Variants in COCH observed in about 807,000 individuals in gnomAD.
The protein encoded by COCH is cochlin, also known as coagulation factor C homolog, cochlin (Limulus polyphemus).
Under a neutral mutation model 54.8 loss-of-function variants are expected in COCH, and 40 were observed. That is an observed-to-expected ratio of 0.73 (90% CI 0.57 to 0.95). The LOEUF is 0.95. COCH is among the 40% of genes least tolerant of loss of function. The pLI is 0.00. For missense variants in COCH, 605 were observed against 675.0 expected (o/e 0.90, Z 1.15); for synonymous variants, 256 against 237.9 (o/e 1.08, Z -0.70).
Position 30,877,603 on chromosome 14 carries a change from C to T in COCH, c.114C>T (p.Gly38=), listed in dbSNP as rs1370631871. 4 of 1,614,098 alleles carry T rather than the reference C, an allele frequency of 2.5e-6. No individual in the cohort carries two copies. The highest frequency in any genetic ancestry group is 3.4e-6 in the Non-Finnish European group (4 of 1,180,042). The change falls in exon 4 of 12, where the codon GGC becomes GGT. Residue 38 remains glycine (G), a synonymous_variant. Coordinates refer to ENST00000396618, the MANE Select transcript of COCH (RefSeq NM_004086.3). This position sits in a 1 kb window ranked among gnomAD's most constrained non-coding sequence, Gnocchi z 8.6. ...APIAITCFTR[G]LDIRKEKADV... is the part of the protein sequence containing the mutation. ...TTGCTATCACATGTTTTACCAGAGG[C>T]TTGGACATCAGGAAAGAGAAAGCAG...
In COCH at chr14:30,880,575, G is replaced by T. The variant is rs1895538611; in HGVS notation, c.482-12G>T. 6.2e-7 allele frequency: 1 copy of T among 1,614,076 alleles called. No individual in the cohort carries two copies. Among genetic ancestry groups the T allele is most frequent in the Non-Finnish European group, 8.5e-7 (1 of 1,180,018 alleles). On this transcript the variant is annotated splice_polypyrimidine_tract_variant and intron_variant, in intron 7 of 11. Transcript: ENST00000396618. ...AGACTGCTAATGAGGGGACTGGTTT[G>T]GTTGTTCGCAGATTGTAAAGCAGAC...
At chr14:30,881,977 A>G (rs1293982448) in intron 8 of COCH, among the ~76,000 whole-genome samples, 1 of 130,654 alleles carries the variant, frequency 7.7e-6, no homozygotes, top group African/African-American at 3.6e-5. Flanking sequence ...AAATAAAAAT[A>G]AAAATAAATA....
chr14:30,884,091 C>A (rs1364126486), intron 8 of COCH, among the ~76,000 whole-genome samples: 1 of 152,182 alleles, frequency 6.6e-6, no homozygotes, highest in South Asian at 2.1e-4. Flanking sequence ...TGGTGCCCAA[C>A]TCTGCGGACT....
Position 30,889,966 on chromosome 14 carries a change from T to C in COCH, c.*175T>C. ...TAAAGCCGCTGCCTTCTGGTTACAA[T>C]TTACAGTGTACTTTGTTAAAAACAC... On this transcript the variant is annotated 3_prime_UTR_variant, in exon 12 of 12. Coordinates refer to ENST00000396618, the MANE Select transcript of COCH (RefSeq NM_004086.3). 2 of 1,374,582 alleles carry C rather than the reference T, an allele frequency of 1.5e-6. No individual in the cohort carries two copies. Among genetic ancestry groups the C allele is most frequent in the Non-Finnish European group, 1.9e-6 (2 of 1,064,124 alleles). The allele number at this position is 1,374,582 out of a possible 1,614,324, so 85.1% of individuals were successfully genotyped here.
At chr14:30,880,837 A>T (rs1895554190) in intron 8 of COCH, 103 bp downstream of exon 8, 2 of 839,952 alleles carry the variant, frequency 2.4e-6, no homozygotes, top group Non-Finnish European at 3.9e-6. Flanking sequence ...GTTTTCATAC[A>T]TACAATGTAT....
chr14:30,894,897 T>TC (rs750140642), downstream of COCH: 35 of 1,041,602 alleles, frequency 3.4e-5, 1 homozygote, highest in Non-Finnish European at 3.8e-5. Flanking sequence ...CTTTTTCTTT[T>TC]TTTTTTTTTT....
chr14:30,889,396 C>A (rs4981082), intron 11 of COCH: 1 of 540,812 alleles, frequency 1.8e-6, no homozygotes, highest in East Asian at 3.2e-5. Flanking sequence ...GTTAATGTGG[C>A]GAATTACAGA....
At chr14:30,877,000 G>T (rs1014361199) in intron 3 of COCH, among the ~76,000 whole-genome samples, 1 of 151,900 alleles carries the variant, frequency 6.6e-6, no homozygotes, top group Non-Finnish European at 1.5e-5. Context: ...AAGAGATGAG[G>T]TCTTGCTATG....
intron 11 of COCH, among the ~76,000 whole-genome samples, chr14:30,888,687 G>A (rs888328645): frequency 1.1e-4 from 17 of 151,852 alleles, no homozygotes; most frequent in Non-Finnish European, 2.2e-4. Flanking sequence ...ATTTGAGGAT[G>A]GGGGTGCTGA....
Position 30,884,567 on chromosome 14 carries a change from T to C in COCH, c.644T>C (p.Ile215Thr). 1.2e-6 allele frequency: 2 copies of C among 1,612,478 alleles called. No homozygotes were observed. The highest frequency in any genetic ancestry group is 1.7e-6 in the Non-Finnish European group (2 of 1,178,624). Residue 215 changes from isoleucine to threonine, a missense_variant, in exon 9 of 12, where the codon ATA becomes ACA. Physicochemically the swap from Ile to Thr is moderately conservative, Grantham distance 89 (BLOSUM62 -1). Coordinates refer to ENST00000396618, the MANE Select transcript of COCH (RefSeq NM_004086.3). The stretch of plus-strand genomic sequence containing the variant: ...CTTCCACTCAGTGAACATCCCAAAA[T>C]AGAATTTTACTTGAAAAACTTTACA... ...GLVQASEHPK[I>T]EFYLKNFTSA...
chr14:30,878,739 A>T (rs1485107850), intron 4 of COCH, 72 bp from the exon 5 acceptor site: 1 of 1,605,782 alleles, frequency 6.2e-7, no homozygotes, highest in East Asian at 2.2e-5. Flanking sequence ...TAGATACAAC[A>T]TGGCACTATA....
intron 8 of COCH, among the ~76,000 whole-genome samples, chr14:30,881,123 G>A (rs1458147084): frequency 1.3e-5 from 2 of 150,664 alleles, no homozygotes; most frequent in African/African-American, 4.9e-5. Flanking sequence ...GCTGAGGCAG[G>A]AGAATCACTT....
chr14:30,886,224 G>A lies in COCH; in HGVS notation c.1389G>A (p.Glu463=). The part of the protein sequence containing the change: ...TVRNVFGPIR[E]SPNKNFLVIV... ...GAAATGTGTTTGGCCCTATAAGGGA[G>A]AGCCCCAACAAGAACTTCCTAGTAA... is the stretch of plus-strand genomic sequence containing the variant. Residue 463 remains glutamate, a synonymous_variant, in exon 11 of 12, where the codon GAG becomes GAA. Transcript: ENST00000396618. 7.4e-6 allele frequency: 12 copies of A among 1,613,078 alleles called. No homozygotes were observed. Among genetic ancestry groups the A allele is most frequent in the South Asian group, 1.1e-5 (1 of 90,934 alleles).
At chr14:30,884,391 A>G (rs1228124628) in intron 8 of COCH, 162 bp from the exon 9 acceptor site, 2 of 615,778 alleles carry the variant, frequency 3.2e-6, no homozygotes, top group Non-Finnish European at 5.8e-6. Context: ...AATATCTCCA[A>G]TAATTCAAGT....
At chr14:30,876,092 A>C (rs1233671867) in intron 3 of COCH, 1 of 152,244 alleles carries the variant, frequency 6.6e-6, no homozygotes, top group Admixed American at 6.5e-5. Context: ...TCAGTTGGAC[A>C]GTATGGCCAG....
Position 30,885,393 on chromosome 14 carries a change from G to C in COCH, c.734-1G>C. 1 of 1,612,218 alleles carries C rather than the reference G, an allele frequency of 6.2e-7. No individual in the cohort carries two copies. The highest frequency in any genetic ancestry group is 8.5e-7 in the Non-Finnish European group (1 of 1,178,228). ...TTTGTTTGCTTCTTTTTCAAATTTAGGAAAAGCCTTGAAGCATACTGCTCA... is the reference window on the plus strand; with the variant it reads ...TTTGTTTGCTTCTTTTTCAAATTTACGAAAAGCCTTGAAGCATACTGCTCA... On this transcript the variant is annotated splice_acceptor_variant, in intron 9 of 11. Coordinates refer to ENST00000396618, the MANE Select transcript of COCH (RefSeq NM_004086.3). LOFTEE classifies it high-confidence loss of function.
At position 30,877,351 on chromosome 14, in the gene COCH, C is replaced by T; in HGVS notation, c.83-221C>T. ...AAACGAAATAAAAACCCAGAACTTT[C>T]ACATTAGAGTTTTATAGTGGCTGGG... On this transcript the variant is annotated intron_variant, in intron 3 of 11. Coordinates refer to ENST00000396618, the MANE Select transcript of COCH (RefSeq NM_004086.3). The surrounding 1 kb of genome is among the most constrained non-coding windows in gnomAD (Gnocchi z 8.6). The T allele has an allele frequency of 1.8e-6, 1 of 555,064 alleles. No individual in the cohort carries two copies. The highest frequency in any genetic ancestry group is 3.1e-6 in the Non-Finnish European group (1 of 320,302). The allele number at this position is 555,064 out of a possible 1,614,324, so 34.4% of individuals were successfully genotyped here. A position where few individuals can be genotyped will look rare whatever the true frequency, so the allele number is the denominator to read the frequency against.
Position 30,889,383 on chromosome 14 carries a change from C to A in COCH, c.1478-233C>A, listed in dbSNP as rs972283892. The A allele has an allele frequency of 7.7e-6, 4 of 520,114 alleles. No homozygotes were observed. In the East Asian group the frequency reaches 1.4e-4, roughly 18 times the overall value. 32.2% of individuals were successfully genotyped at this position (520,114 alleles called of 1,614,324 possible). A position where few individuals can be genotyped will look rare whatever the true frequency, so the allele number is the denominator to read the frequency against. The stretch of plus-strand genomic sequence containing the variant: ...ATTATTTCTTATCAGTGATGACTTA[C>A]CTGTTAATGTGGCGAATTACAGATA... On this transcript the variant is annotated intron_variant, in intron 11 of 11. Transcript: ENST00000396618.
In COCH at chr14:30,889,276, T is replaced by C. The variant is rs1429131069; in HGVS notation, c.1478-340T>C. ...ATTTACTGTAGGATTTTAAAAAAGA[T>C]ACTGTGGATCAGGTTAAAAGTCTTC... is the stretch of plus-strand genomic sequence containing the variant. On this transcript the variant is annotated intron_variant, in intron 11 of 11. Transcript: ENST00000396618. The C allele has an allele frequency of 1.9e-5, 5 of 264,690 alleles. No individual in the cohort carries two copies. The East Asian group carries it at 4.9e-4, about 26-fold the overall frequency. The allele number at this position is 264,690 out of a possible 1,614,324, so 16.4% of individuals were successfully genotyped here.
Sources: allele counts gnomAD v4.1 joint callset (sites outside exome capture counted in the v4.1 genomes callset), GRCh38; gene constraint gnomAD v4.1.1; non-coding constraint Gnocchi (gnomAD v3.1); transcripts MANE v1.5; gene names NCBI Gene and HGNC (gene_info 2026-07-23, HGNC 2026-07-21).